CCDC141: variants seen among roughly 807,000 people sequenced by gnomAD.
The protein encoded by CCDC141 is coiled-coil domain-containing protein 141.
Under a neutral mutation model 181.0 loss-of-function variants are expected in CCDC141, and 168 were observed. The ratio of observed to expected loss-of-function variants is 0.93; its 90% confidence interval spans 0.82 to 1.05. The LOEUF (loss-of-function observed/expected upper bound fraction) is 1.05, where lower values mean the gene tolerates loss of function less well. CCDC141 is among the 50% of genes least tolerant of loss of function. The pLI, the probability that CCDC141 is intolerant of heterozygous loss-of-function variation, is 0.00. For synonymous variants in CCDC141, 666 were observed against 642.3 expected (o/e 1.04, Z -0.56); for missense variants, 1,902 against 1,788.5 (o/e 1.06, Z -1.14).
At chr2:178,924,996 A>G (rs1216284391) in intron 6 of CCDC141, among the ~76,000 whole-genome samples, 2 of 152,202 alleles carry the variant, frequency 1.3e-5, no homozygotes, top group Non-Finnish European at 2.9e-5. Context: ...GACAGTCACC[A>G]CCAGTTGGTA....
chr2:178,874,962 G>T (rs186709888), intron 12 of CCDC141: 1 of 152,308 alleles, frequency 6.6e-6, no homozygotes, highest in East Asian at 1.9e-4. Flanking sequence ...AACAAAGATT[G>T]GAGTTTGTGA....
intron 9 of CCDC141, among the ~76,000 whole-genome samples, chr2:178,887,506 ACT>A (rs1199355497): frequency 5.9e-5 from 9 of 152,096 alleles, no homozygotes; most frequent in Admixed American, 4.6e-4. Flanking sequence ...TACTCCCCAG[ACT>A]CAAATTGGCT....
chr2:179,044,755 A>G (rs2043431193), intron 2 of CCDC141, among the ~76,000 whole-genome samples: 1 of 152,162 alleles, frequency 6.6e-6, no homozygotes, highest in South Asian at 2.1e-4. Flanking sequence ...GATCATGAGA[A>G]CGCAAACTTC....
intron 17 of CCDC141, among the ~76,000 whole-genome samples, chr2:178,861,613 G>A (rs543612791): frequency 6.7e-5 from 10 of 149,726 alleles, no homozygotes; most frequent in Non-Finnish European, 1.3e-4. Context: ...TCCAGCCTGG[G>A]CGACAGAGTG....
At chr2:178,990,110 G>T (rs1045657335) in intron 2 of CCDC141, among the ~76,000 whole-genome samples, 8 of 149,710 alleles carry the variant, frequency 5.3e-5, no homozygotes, top group Non-Finnish European at 1.0e-4. Context: ...TTGCACTCAA[G>T]GCTGGACAAC....
At position 178,888,547 on chromosome 2, in the gene CCDC141, CT is replaced by C; in HGVS notation, c.1386del (p.Val463TrpfsTer36). ...ACTACCTTCCGTAGGTAACCCTCCA[CT>C]GAGGCTGTTAGTTGTTGTTTCTTAA... ...YALKKQQLTA[S>X]VEGYLRKVEM... is the part of the protein sequence containing the mutation. On this transcript the variant is annotated frameshift_variant, in exon 9 of 24. Transcript: ENST00000443758. LOFTEE classifies it high-confidence loss of function. The C allele has an allele frequency of 6.5e-7, 1 of 1,550,386 alleles. No individual in the cohort carries two copies. Among genetic ancestry groups the C allele is most frequent in the South Asian group, 1.2e-5 (1 of 84,054 alleles).
intron 8 of CCDC141, among the ~76,000 whole-genome samples, chr2:178,901,583 A>C (rs1193231119): frequency 6.6e-6 from 1 of 152,196 alleles, no homozygotes; most frequent in Non-Finnish European, 1.5e-5. Context: ...TTCTCAATAA[A>C]TTAGGTCTTG....
At chr2:178,850,980 C>A (rs1177346497) in intron 20 of CCDC141, among the ~76,000 whole-genome samples, 1 of 152,040 alleles carries the variant, frequency 6.6e-6, no homozygotes, top group Non-Finnish European at 1.5e-5. Context: ...CCGAGGTGGG[C>A]AGATCACTTG....
At chr2:178,926,627 A>G (rs1265385609) in intron 6 of CCDC141, 1 of 152,202 alleles carries the variant, frequency 6.6e-6, no homozygotes, top group Non-Finnish European at 1.5e-5. Context: ...ATTTCTTCCT[A>G]CTTTCTTCAT....
intron 9 of CCDC141, among the ~76,000 whole-genome samples, chr2:178,887,174 A>G (rs531820438): frequency 6.6e-6 from 1 of 152,172 alleles, no homozygotes; most frequent in South Asian, 2.1e-4. Flanking sequence ...TATATTACCT[A>G]TGAAGGATAA....
chr2:178,817,810 C>CCTCT, the CCDC141 span: 1 of 304,148 alleles, frequency 3.3e-6, no homozygotes, highest in Non-Finnish European at 6.4e-6. Flanking sequence ...TCCCTCCCTC[C>CCTCT]CTCCCTTCTT....
intron 2 of CCDC141, among the ~76,000 whole-genome samples, chr2:179,045,462 G>A (rs1362182959): frequency 1.3e-5 from 2 of 152,064 alleles, no homozygotes; most frequent in Non-Finnish European, 2.9e-5. Flanking sequence ...GAATAGAGCT[G>A]CAATAAACAT....
At chr2:178,885,846 T>A (rs1488679657) in intron 10 of CCDC141, among the ~76,000 whole-genome samples, 1 of 152,144 alleles carries the variant, frequency 6.6e-6, no homozygotes, top group Admixed American at 6.5e-5. Flanking sequence ...CTACTTGTGA[T>A]TAATATGCTT....
intron 6 of CCDC141, among the ~76,000 whole-genome samples, chr2:178,941,958 C>CAAAAAAAAAAAAAAAAAAAAAAAAAAAAA (rs66903231): frequency 1.4e-5 from 1 of 71,490 alleles, no homozygotes; most frequent in African/African-American, 6.3e-5. Context: ...GATCCCATCT[C>CAAAAAAAAAAAAAAAAAAAAAAAAAAAAA]AAAAAAAAAA....
At chr2:179,041,491 GTTTTTTTTTTTT>G (rs35229059) in intron 2 of CCDC141, among the ~76,000 whole-genome samples, 3 of 58,896 alleles carry the variant, frequency 5.1e-5, no homozygotes, top group South Asian at 9.6e-4. Context: ...TTGGTTGTGG[GTTTTTTTTTTTT>G]TTTTTTTTTT....
chr2:178,926,424 A>C (rs1380787014), intron 6 of CCDC141: 1 of 152,220 alleles, frequency 6.6e-6, no homozygotes, highest in Non-Finnish European at 1.5e-5. Flanking sequence ...TCTAAAATTT[A>C]ACTTTAGTTT....
chr2:178,958,769 T>C (rs540893643), intron 5 of CCDC141, among the ~76,000 whole-genome samples: 2 of 152,188 alleles, frequency 1.3e-5, no homozygotes, highest in South Asian at 2.1e-4. Flanking sequence ...GCTATAGTCA[T>C]GGGGCAGAAA....
chr2:178,895,632 A>C (rs1575182730), intron 8 of CCDC141, among the ~76,000 whole-genome samples: 1 of 152,182 alleles, frequency 6.6e-6, no homozygotes, highest in Admixed American at 6.5e-5. Flanking sequence ...TATGACATTT[A>C]CCCAGCCTCT....
In CCDC141 at chr2:178,829,826, A is replaced by G. The variant is rs1264295157; in HGVS notation, c.*4347T>C. On this transcript the variant is annotated 3_prime_UTR_variant, in exon 24 of 24. Transcript: ENST00000443758. ...TGGCTGCACTTAAAATGCTGTGCAT[A>G]CAACAGGAGTTTCAAAAGCTTCAGA... 6.6e-6 allele frequency: 1 copy of G among 152,258 alleles called. No individual in the cohort carries two copies. Among genetic ancestry groups the G allele is most frequent in the African/African-American group, 2.4e-5 (1 of 41,476 alleles). The allele number at this position is 152,258 out of a possible 1,614,324, so 9.4% of individuals were successfully genotyped here. A position where few individuals can be genotyped will look rare whatever the true frequency, so the allele number is the denominator to read the frequency against.
Sources: gnomAD v4.1 joint callset for allele counts (sites outside exome capture counted in the v4.1 genomes callset) on GRCh38, gnomAD v4.1.1 for gene constraint, MANE v1.5 for transcripts, NCBI Gene and HGNC (gene_info 2026-07-23, HGNC 2026-07-21) for gene names.